The following SVIL variants were observed in gnomAD, a reference collection of about 807,000 sequenced individuals.
SVIL encodes the protein supervillin.
SVIL carries 101 observed loss-of-function variants against 240.4 expected under a neutral mutation model. The ratio of observed to expected loss-of-function variants is 0.42; its 90% CI spans 0.36 to 0.50. SVIL has a LOEUF of 0.50. Among genes scored for constraint, SVIL ranks in the 20% least tolerant of loss-of-function variants. SVIL has a pLI of 0.01. For missense variants in SVIL, 2,512 were observed against 2,818.7 expected, an observed-to-expected ratio of 0.89 and a Z score of 2.46; for synonymous variants, 999 against 1,100.0, an observed-to-expected ratio of 0.91 and a Z score of 1.82.
intron 3 of SVIL, among the ~76,000 whole-genome samples, chr10:29,650,899 T>G (rs1192098099): frequency 2.0e-5 from 3 of 152,190 alleles, no homozygotes; most frequent in Non-Finnish European, 4.4e-5. Context: ...TTCACTCTAG[T>G]CTGGGCAGCA....
At chr10:29,560,843 CTTT>C (rs34960285) in intron 3 of SVIL, among the ~76,000 whole-genome samples, 2 of 145,260 alleles carry the variant, frequency 1.4e-5, no homozygotes, top group Non-Finnish European at 3.0e-5. Flanking sequence ...GGCACTGGCA[CTTT>C]TTTTTTTTTT....
intron 1 of SVIL, among the ~76,000 whole-genome samples, chr10:29,633,049 T>G (rs1958165886): frequency 2.0e-5 from 3 of 151,886 alleles, no homozygotes; most frequent in Non-Finnish European, 4.4e-5. Context: ...CTGGCCAACA[T>G]AGTGAAACCC....
At chr10:29,543,683 C>T (rs1054241900) in intron 6 of SVIL, among the ~76,000 whole-genome samples, 1 of 152,116 alleles carries the variant, frequency 6.6e-6, no homozygotes, top group East Asian at 1.9e-4. Context: ...CTTCCTCCTC[C>T]ATCTCTCCCC....
chr10:29,465,459 TAA>T lies in SVIL; in HGVS notation c.6133+134_6133+135del. ...TGTAGGGGTGAGGATGAAAAGAGTG[TAA>T]GCACATGTTCTGGGTGCTCTGGGAA... On this transcript the variant is annotated intron_variant, in intron 34 of 37. Coordinates refer to ENST00000355867, the MANE Select transcript of SVIL (RefSeq NM_021738.3). 3 of 1,092,620 alleles carry T rather than the reference TAA, an allele frequency of 2.7e-6. No homozygotes were observed. In the South Asian group the frequency reaches 5.3e-5, roughly 19 times the overall value. 67.7% of individuals were successfully genotyped at this position (1,092,620 alleles called of 1,614,324 possible). A position where few individuals can be genotyped will look rare whatever the true frequency, so the allele number is the denominator to read the frequency against.
Position 29,523,718 on chromosome 10 carries a change from A to G in SVIL, c.2896T>C (p.Tyr966His), listed in dbSNP as rs1950709021. 6.2e-7 allele frequency: 1 copy of G among 1,614,084 alleles called. No individual in the cohort carries two copies. The highest frequency in any genetic ancestry group is 8.5e-7 in the Non-Finnish European group (1 of 1,180,018). Residue 966 changes from tyrosine to histidine, a missense_variant, in exon 15 of 38, where the codon TAT becomes CAT. Tyr to His is a moderately conservative substitution (Grantham distance 83, BLOSUM62 2). Coordinates refer to ENST00000355867, the MANE Select transcript of SVIL (RefSeq NM_021738.3). ...LTGRDSGMEK[Y>H]GSFEEAEASY... ...GCTTCTGCTTCCTCAAAGGACCCAT[A>G]CTTCTCCATCCCACTGTCTCGACCT...
intron 6 of SVIL, chr10:29,544,946 T>A (rs1952507111): frequency 1.9e-6 from 1 of 529,550 alleles, no homozygotes; most frequent in African/African-American, 1.9e-5. Flanking sequence ...AGTAATAGAA[T>A]AAGCTGTGAG....
At chr10:29,532,382 G>T in intron 8 of SVIL, 147 bp downstream of exon 8, 1 of 1,376,640 alleles carries the variant, frequency 7.3e-7, no homozygotes. Flanking sequence ...GGTAGTTTTT[G>T]AGCCATTTTC....
At chr10:29,562,392 G>C (rs749525458) in intron 3 of SVIL, among the ~76,000 whole-genome samples, 35 of 152,238 alleles carry the variant, frequency 2.3e-4, no homozygotes, top group Non-Finnish European at 4.8e-4. Context: ...TGCCTCCTTG[G>C]GGAAGAAGAA....
intron 3 of SVIL, among the ~76,000 whole-genome samples, chr10:29,645,175 C>T (rs548134695): frequency 6.6e-6 from 1 of 152,174 alleles, no homozygotes; most frequent in East Asian, 1.9e-4. Context: ...ATTAAGATTC[C>T]TACAGTGCCA....
chr10:29,617,004 T>C (rs1368197832), intron 1 of SVIL, among the ~76,000 whole-genome samples: 2 of 152,174 alleles, frequency 1.3e-5, no homozygotes, highest in East Asian at 3.9e-4. Flanking sequence ...ATTACAGGCA[T>C]GAGACACCGC....
At chr10:29,570,037 C>T (rs559660744) in intron 1 of SVIL, among the ~76,000 whole-genome samples, 56 of 152,316 alleles carry the variant, frequency 3.7e-4, no homozygotes, top group South Asian at 1.4e-3. Context: ...AGACCATTTA[C>T]AGAAACTTCT....
chr10:29,613,089 T>C (rs544282794), intron 1 of SVIL, among the ~76,000 whole-genome samples: 2 of 150,850 alleles, frequency 1.3e-5, no homozygotes, highest in Admixed American at 6.6e-5. Context: ...AGAAGGGGAA[T>C]TGCTTGAACC....
At chr10:29,506,105 T>C (rs1005948511) in intron 17 of SVIL, among the ~76,000 whole-genome samples, 1 of 152,218 alleles carries the variant, frequency 6.6e-6, no homozygotes, top group Non-Finnish European at 1.5e-5. Context: ...TTTTTATTGA[T>C]TTTATTCCCA....
At position 29,480,457 on chromosome 10, in the gene SVIL, G is replaced by C. The variant is rs1250314495; in HGVS notation, c.5377+80C>G. 1.7e-5 allele frequency: 26 copies of C among 1,553,300 alleles called. No individual in the cohort carries two copies. The South Asian group carries it at 2.5e-4, about 15-fold the overall frequency. On this transcript the variant is annotated intron_variant, in intron 29 of 37. Transcript: ENST00000355867. ...ACGGACGCAGCAGAGGGCATGACAG[G>C]GTTCATTGGAGAAGCTGGCTCCCGC...
intron 16 of SVIL, among the ~76,000 whole-genome samples, chr10:29,515,128 T>A (rs1423019385): frequency 6.6e-6 from 1 of 152,194 alleles, no homozygotes; most frequent in Non-Finnish European, 1.5e-5. Flanking sequence ...GCAGATAAGA[T>A]CTCAAGTGCT....
chr10:29,470,246 G>C (rs756725321), intron 32 of SVIL, 30 bp downstream of exon 32: 2 of 636,674 alleles, frequency 3.1e-6, no homozygotes, highest in South Asian at 2.9e-5. Flanking sequence ...CCCGGTGTGT[G>C]GGGGGACTCG....
chr10:29,524,487 C>T lies in SVIL; in HGVS notation c.2571G>A (p.Leu857=). 1 of 1,614,182 alleles carries T rather than the reference C, an allele frequency of 6.2e-7. No individual in the cohort carries two copies. The highest frequency in any genetic ancestry group is 1.1e-5 in the South Asian group (1 of 91,084). The stretch of plus-strand genomic sequence containing the variant: ...GCACACCCACCTGCTCCACCTCTCC[C>T]AGTGTGACTGGCTGAGTTTGATAGC... ...NARYQTQPVT[L]GEVEQVQSGK... The change falls in exon 14 of 38, where the codon CTG becomes CTA. Residue 857 remains leucine, a synonymous_variant. Transcript: ENST00000355867.
intron 3 of SVIL, among the ~76,000 whole-genome samples, chr10:29,642,807 C>A (rs1384493806): frequency 6.6e-6 from 1 of 152,052 alleles, no homozygotes; most frequent in Non-Finnish European, 1.5e-5. Context: ...CCTCAGCCTC[C>A]CAAGTAGCTG....
At chr10:29,676,695 A>T (rs1482258050) in intron 2 of SVIL, among the ~76,000 whole-genome samples, 2 of 152,194 alleles carry the variant, frequency 1.3e-5, no homozygotes, top group Non-Finnish European at 1.5e-5. Context: ...TGGAACACTG[A>T]GCTGGACATT....
Sources: gnomAD v4.1 joint callset for allele counts (sites outside exome capture counted in the v4.1 genomes callset) on GRCh38, gnomAD v4.1.1 for gene constraint, MANE v1.5 for transcripts, NCBI Gene and HGNC (gene_info 2026-07-23, HGNC 2026-07-21) for gene names.